Variants in DKK2 observed in about 807,000 individuals in gnomAD.
The protein encoded by DKK2 is dickkopf Wnt signaling pathway inhibitor 2.
A neutral mutation model predicts 28.1 loss-of-function variants in DKK2; 11 were observed. The observed-to-expected ratio is 0.39, with a 90% CI of 0.25 to 0.65. The LOEUF (loss-of-function observed/expected upper bound fraction) is 0.65, where lower values mean the gene tolerates loss of function less well. Ranked by LOEUF, DKK2 falls within the 30% of genes least tolerant of loss-of-function variation. The pLI is 0.47. For synonymous variants in DKK2, 135 were observed against 126.5 expected, an observed-to-expected ratio of 1.07 and a Z score of -0.45; for missense variants, 326 against 335.5, an observed-to-expected ratio of 0.97 and a Z score of 0.22.
intron 1 of DKK2, among the ~76,000 whole-genome samples, chr4:107,018,898 T>A (rs1723651312): frequency 6.6e-6 from 1 of 152,094 alleles, no homozygotes. Context: ...CTGCCAACTA[T>A]CTTTAAGTCC....
intron 1 of DKK2, among the ~76,000 whole-genome samples, chr4:107,028,173 T>TC (rs56832314): frequency 6.6e-6 from 1 of 152,134 alleles, no homozygotes; most frequent in Admixed American, 6.6e-5. Context: ...TTATCCTCTC[T>TC]TAATGTAAAC....
intron 1 of DKK2, among the ~76,000 whole-genome samples, chr4:106,949,521 C>T (rs1724827930): frequency 6.6e-6 from 1 of 152,138 alleles, no homozygotes. Context: ...AGAATGATGT[C>T]TGGCTTTAAG....
intron 1 of DKK2, among the ~76,000 whole-genome samples, chr4:106,973,121 T>A (rs935635759): frequency 6.6e-6 from 1 of 152,232 alleles, no homozygotes; most frequent in Non-Finnish European, 1.5e-5. Flanking sequence ...TGCCACATTG[T>A]CTTTATCCAC....
intron 1 of DKK2, among the ~76,000 whole-genome samples, chr4:106,936,145 G>T (rs1212564383): frequency 6.6e-6 from 1 of 152,148 alleles, no homozygotes; most frequent in East Asian, 1.9e-4. Context: ...AGAGAAGAAG[G>T]CTTCAGACGA....
chr4:106,990,903 C>A (rs1336485109), intron 1 of DKK2, among the ~76,000 whole-genome samples: 1 of 151,850 alleles, frequency 6.6e-6, no homozygotes, highest in Non-Finnish European at 1.5e-5. Flanking sequence ...TCTTTGACTT[C>A]TGTACATGTA....
chr4:106,955,347 G>A (rs1026929386), intron 1 of DKK2, among the ~76,000 whole-genome samples: 1 of 152,086 alleles, frequency 6.6e-6, no homozygotes, highest in African/African-American at 2.4e-5. Flanking sequence ...AACAATTTCT[G>A]AAAATAATGT....
chr4:107,006,619 G>C (rs557890459), intron 1 of DKK2, among the ~76,000 whole-genome samples: 68 of 152,266 alleles, frequency 4.5e-4, no homozygotes, highest in African/African-American at 1.6e-3. Flanking sequence ...TGGCTGAATT[G>C]AGTGCAGGTG....
At chr4:106,973,976 A>G (rs943992926) in intron 1 of DKK2, among the ~76,000 whole-genome samples, 1 of 152,192 alleles carries the variant, frequency 6.6e-6, no homozygotes. Context: ...TCCCAACACC[A>G]TTTATTAAAT....
At chr4:106,974,209 G>T (rs973746423) in intron 1 of DKK2, among the ~76,000 whole-genome samples, 1 of 152,094 alleles carries the variant, frequency 6.6e-6, no homozygotes, top group Non-Finnish European at 1.5e-5. Flanking sequence ...GCTTAGGATT[G>T]TCTTGGCTAT....
intron 1 of DKK2, among the ~76,000 whole-genome samples, chr4:106,941,037 A>G (rs914020025): frequency 6.6e-6 from 1 of 152,170 alleles, no homozygotes; most frequent in Non-Finnish European, 1.5e-5. Flanking sequence ...GCAGCGCACC[A>G]GCATGGCACA....
chr4:107,002,761 T>C (rs1242072812), intron 1 of DKK2, among the ~76,000 whole-genome samples: 1 of 152,214 alleles, frequency 6.6e-6, no homozygotes, highest in Non-Finnish European at 1.5e-5. Context: ...TTACAGTAAT[T>C]AAAAGTTCAC....
At chr4:107,006,355 A>C (rs1723437861) in intron 1 of DKK2, among the ~76,000 whole-genome samples, 2 of 152,182 alleles carry the variant, frequency 1.3e-5, no homozygotes, top group Admixed American at 1.3e-4. Flanking sequence ...TGATAATTTC[A>C]AAGCAGTTCA....
intron 1 of DKK2, among the ~76,000 whole-genome samples, chr4:106,974,868 G>A (rs1722919816): frequency 2.0e-5 from 3 of 152,120 alleles, no homozygotes; most frequent in Admixed American, 1.3e-4. Context: ...ATATGTTATT[G>A]GCTGTGGATC....
chr4:106,951,005 AT>A (rs575513767), intron 1 of DKK2, among the ~76,000 whole-genome samples: 4,248 of 149,202 alleles, frequency 0.028, 69 homozygotes, highest in Non-Finnish European at 0.038. Flanking sequence ...ATGTATATGG[AT>A]TTTTTTTTTA....
intron 1 of DKK2, among the ~76,000 whole-genome samples, chr4:106,971,110 GT>G (rs1285739869): frequency 6.6e-6 from 1 of 152,006 alleles, no homozygotes; most frequent in East Asian, 1.9e-4. Context: ...CTAGCTTTGT[GT>G]TCCCTCTGGG....
In DKK2 at chr4:107,032,276, C is replaced by A. The variant is rs187753863; in HGVS notation, c.222+3094G>T. The stretch of plus-strand genomic sequence containing the variant: ...TAACTCATACTGTGTTTTTGAAAGC[C>A]AACCTTAAATTGAGAAATGTAACAC... On this transcript the variant is annotated intron_variant, in intron 1 of 3. Coordinates refer to ENST00000285311, the MANE Select transcript of DKK2 (RefSeq NM_014421.3). Among the ~76,000 whole-genome samples the A allele has an allele frequency of 5.6e-3, 850 of 152,012 alleles. 5 individuals are homozygous for A. The highest frequency in any genetic ancestry group is 6.9e-3 in the Non-Finnish European group (471 of 67,862).
intron 1 of DKK2, among the ~76,000 whole-genome samples, chr4:107,028,789 T>A (rs1047428211): frequency 3.3e-5 from 5 of 152,224 alleles, no homozygotes; most frequent in African/African-American, 4.8e-5. Context: ...ATGTAAGACA[T>A]GTCAGCCAAA....
intron 1 of DKK2, among the ~76,000 whole-genome samples, chr4:107,021,988 G>A (rs1185725932): frequency 6.6e-6 from 1 of 151,940 alleles, no homozygotes; most frequent in East Asian, 1.9e-4. Context: ...TTTTTGAGGG[G>A]ACATTGATAT....
intron 1 of DKK2, among the ~76,000 whole-genome samples, chr4:106,964,954 G>GAT (rs1391018031): frequency 1.6e-4 from 22 of 138,072 alleles, no homozygotes; most frequent in East Asian, 4.3e-4. Flanking sequence ...GATATAGATA[G>GAT]ATAGATATAG....
Sources: allele counts gnomAD v4.1 joint callset (sites outside exome capture counted in the v4.1 genomes callset), GRCh38; gene constraint gnomAD v4.1.1; transcripts MANE v1.5; gene names NCBI Gene and HGNC (gene_info 2026-07-23, HGNC 2026-07-21).